PLXNA2: variants seen among roughly 807,000 people sequenced by gnomAD.
PLXNA2 encodes the protein plexin A2.
PLXNA2 carries 91 observed loss-of-function variants against 193.5 expected under a neutral mutation model. The observed-to-expected ratio is 0.47, with a 90% CI of 0.40 to 0.56. PLXNA2 has a LOEUF of 0.56. Among genes scored for constraint, PLXNA2 ranks in the 20% least tolerant of loss-of-function variants. The pLI, the probability that PLXNA2 is intolerant of heterozygous loss-of-function variation, is 0.00. For missense variants in PLXNA2, 1,995 were observed against 2,503.2 expected (o/e 0.80, Z 4.33); for synonymous variants, 997 against 1,027.3 (o/e 0.97, Z 0.56).
intron 3 of PLXNA2, among the ~76,000 whole-genome samples, chr1:208,192,814 G>A (rs1480822380): frequency 6.6e-6 from 1 of 151,644 alleles, no homozygotes; most frequent in Non-Finnish European, 1.5e-5. Flanking sequence ...TTGAACCCAG[G>A]AGGTGGAGGG....
chr1:208,085,693 C>T (rs1176016192), intron 9 of PLXNA2, among the ~76,000 whole-genome samples: 4 of 152,230 alleles, frequency 2.6e-5, no homozygotes. Flanking sequence ...GGGCTGTTGC[C>T]TCTTTTCTCT....
chr1:208,100,541 T>G (rs1472927350), intron 5 of PLXNA2, among the ~76,000 whole-genome samples: 1 of 152,088 alleles, frequency 6.6e-6, no homozygotes, highest in Non-Finnish European at 1.5e-5. Context: ...CCAGAGAAAT[T>G]TTTAAGAAAA....
At chr1:208,062,586 T>C (rs1435026155) in intron 12 of PLXNA2, among the ~76,000 whole-genome samples, 1 of 152,174 alleles carries the variant, frequency 6.6e-6, no homozygotes, top group Non-Finnish European at 1.5e-5. Flanking sequence ...TGCTCTTATC[T>C]GGAGGCTTAT....
chr1:208,128,703 T>C lies in PLXNA2; in HGVS notation c.1506+13626A>G, dbSNP rs867960930. On this transcript the variant is annotated intron_variant, in intron 4 of 31. Transcript: ENST00000367033. ...GTGTTTCCTGTTTCTTTCTTTTTTTTTTTTTTTTTTTTTTTTGGGATGGAG... is the reference window on the plus strand; with the variant it reads ...GTGTTTCCTGTTTCTTTCTTTTTTTCTTTTTTTTTTTTTTTTGGGATGGAG... Among the ~76,000 whole-genome samples, 964 of 141,872 alleles carry C rather than the reference T, an allele frequency of 6.8e-3. 12 individuals are homozygous for C. Among genetic ancestry groups the C allele is most frequent in the African/African-American group, 0.024 (899 of 37,498 alleles). 93.1% of individuals were successfully genotyped at this position (141,872 alleles called of 152,430 possible).
chr1:208,184,784 G>T (rs1403830430), intron 3 of PLXNA2, among the ~76,000 whole-genome samples: 1 of 152,072 alleles, frequency 6.6e-6, no homozygotes, highest in East Asian at 1.9e-4. Context: ...GCAGTTCCAG[G>T]GAGATTTCTG....
rs1211534380 is a variant in PLXNA2 at position 208,024,834 on chromosome 1, CCAAA to C, written c.*2405_*2408del. On this transcript the variant is annotated 3_prime_UTR_variant, in exon 32 of 32. Coordinates refer to ENST00000367033, the MANE Select transcript of PLXNA2 (RefSeq NM_025179.4). ...AGCCATGCGGCCAGAAAATCTTCAC[CCAAA>C]CAGAGCTCAGAAGTTAGATGGGGTG... 3.9e-5 allele frequency: 6 copies of C among 152,176 alleles called. No homozygotes were observed. The highest frequency in any genetic ancestry group is 1.4e-4 in the African/African-American group (6 of 41,438). The allele number at this position is 152,176 out of a possible 1,614,324, so 9.4% of individuals were successfully genotyped here. A position where few individuals can be genotyped will look rare whatever the true frequency, so the allele number is the denominator to read the frequency against.
At chr1:208,033,059 CT>C (rs61520990) in intron 28 of PLXNA2, among the ~76,000 whole-genome samples, 4,310 of 144,522 alleles carry the variant, frequency 0.03, 226 homozygotes, top group African/African-American at 0.1. Flanking sequence ...ATTTTGTCCT[CT>C]TTTTTTTTTT....
intron 22 of PLXNA2, among the ~76,000 whole-genome samples, 188 bp downstream of exon 22, chr1:208,041,908 CTG>C (rs1336005938): frequency 6.6e-6 from 1 of 152,232 alleles, no homozygotes; most frequent in Admixed American, 6.5e-5. Flanking sequence ...ACTTCAGACT[CTG>C]TAGTCTCCCT....
intron 4 of PLXNA2, among the ~76,000 whole-genome samples, chr1:208,103,642 C>T (rs17011938): frequency 0.015 from 2,260 of 152,328 alleles, 82 homozygotes; most frequent in East Asian, 0.1. Flanking sequence ...CTGAGACATC[C>T]TGCCTACACA....
chr1:208,095,412 C>G (rs1008317428), intron 8 of PLXNA2, among the ~76,000 whole-genome samples: 6 of 152,148 alleles, frequency 3.9e-5, no homozygotes, highest in Non-Finnish European at 8.8e-5. Flanking sequence ...TGGTGAGGTC[C>G]GTAGAACTAA....
In PLXNA2 at chr1:208,082,373, G is replaced by C. The variant is rs780905301; in HGVS notation, c.2395+39C>G. 9.8e-6 allele frequency: 15 copies of C among 1,534,704 alleles called. No homozygotes were observed. Among genetic ancestry groups the C allele is most frequent in the East Asian group, 9.1e-5 (4 of 44,044 alleles). ...TCTAGCCCCAGTCTTTCCCGGGGTC[G>C]TGAAAAGATCAAACTTCTACCCGGA... On this transcript the variant is annotated intron_variant, in intron 11 of 31. Transcript: ENST00000367033. This position sits in a 1 kb window ranked among gnomAD's most constrained non-coding sequence, Gnocchi z 4.2.
chr1:208,159,461 C>G (rs1356021800), intron 3 of PLXNA2, among the ~76,000 whole-genome samples: 2 of 152,224 alleles, frequency 1.3e-5, no homozygotes, highest in Non-Finnish European at 2.9e-5. Context: ...AGGAAGACGG[C>G]TGCCCCTGCT....
chr1:208,044,588 C>T lies in PLXNA2; in HGVS notation c.3794G>A (p.Arg1265Gln), dbSNP rs747525104. 2.1e-5 allele frequency: 34 copies of T among 1,613,990 alleles called. No homozygotes were observed. The highest frequency in any genetic ancestry group is 5.0e-5 in the Admixed American group (3 of 60,004). The change falls in exon 20 of 32, where the codon CGA becomes CAA. Residue 1265 changes from arginine to glutamine, a missense_variant. Coordinates refer to ENST00000367033, the MANE Select transcript of PLXNA2 (RefSeq NM_025179.4). This position sits in a 1 kb window ranked among gnomAD's most constrained non-coding sequence, Gnocchi z 4.9. ...CCGCTTGAGAGTGAGGTCATTTTCT[C>T]GAGACTTGCGCTTGTAGGCAATGAG... ...IVLIAYKRKS[R>Q]ENDLTLKRLQ... is the part of the protein sequence containing the mutation.
intron 1 of PLXNA2, among the ~76,000 whole-genome samples, chr1:208,222,136 C>T (rs1000133877): frequency 6.6e-6 from 1 of 152,228 alleles, no homozygotes; most frequent in African/African-American, 2.4e-5. Flanking sequence ...TTCCCATCCT[C>T]AGTTTGGTAG....
chr1:208,242,242 C>G (rs1467987281), intron 1 of PLXNA2, among the ~76,000 whole-genome samples: 1 of 152,108 alleles, frequency 6.6e-6, no homozygotes, highest in East Asian at 1.9e-4. Context: ...GTTTCAAGAT[C>G]TGGGAAAGAA....
Position 208,217,741 on chromosome 1 carries a change from G to A in PLXNA2, c.182C>T (p.Ala61Val), listed in dbSNP as rs946385859. 2.5e-6 allele frequency: 4 copies of A among 1,614,038 alleles called. No homozygotes were observed. The African/African-American group carries it at 4.0e-5, about 16-fold the overall frequency. The change falls in exon 2 of 32, where the codon GCC becomes GTC. Residue 61 changes from alanine to valine, a missense_variant. Coordinates refer to ENST00000367033, the MANE Select transcript of PLXNA2 (RefSeq NM_025179.4). The surrounding 1 kb of genome is among the most constrained non-coding windows in gnomAD (Gnocchi z 4.7). ...NHLTVHQGTG[A>V]VYVGAINRVY... ...CCGGTTGATGGCCCCCACATAGACG[G>A]CCCCCGTCCCTTGGTGGACGGTCAA...
intron 4 of PLXNA2, among the ~76,000 whole-genome samples, chr1:208,134,067 T>G (rs1668235013): frequency 6.6e-6 from 1 of 152,168 alleles, no homozygotes; most frequent in East Asian, 1.9e-4. Context: ...AAATGAGGTT[T>G]TTGGCACCAC....
intron 29 of PLXNA2, chr1:208,029,884 G>C: frequency 1.0e-6 from 1 of 985,614 alleles, no homozygotes; most frequent in South Asian, 4.7e-5. Flanking sequence ...TTCTCTTCCA[G>C]CTGCCTTCTG....
chr1:208,157,410 G>A (rs1668971077), intron 3 of PLXNA2, among the ~76,000 whole-genome samples: 1 of 152,172 alleles, frequency 6.6e-6, no homozygotes, highest in Non-Finnish European at 1.5e-5. Context: ...TTATGCTCAG[G>A]TCTTTTCTTT....
Sources: allele counts gnomAD v4.1 joint callset (sites outside exome capture counted in the v4.1 genomes callset), GRCh38; gene constraint gnomAD v4.1.1; non-coding constraint Gnocchi (gnomAD v3.1); transcripts MANE v1.5; gene names NCBI Gene and HGNC (gene_info 2026-07-23, HGNC 2026-07-21).